The following TDRD3 variants were observed in gnomAD, a reference collection of about 807,000 sequenced individuals.
TDRD3 encodes tudor domain containing 3.
TDRD3 carries 45 observed loss-of-function variants against 86.7 expected under a neutral mutation model. The ratio of observed to expected loss-of-function variants is 0.52; its 90% CI spans 0.41 to 0.67. The LOEUF (loss-of-function observed/expected upper bound fraction) is 0.67, where lower values mean the gene tolerates loss of function less well. Among genes scored for constraint, TDRD3 ranks in the 30% least tolerant of loss-of-function variants. TDRD3 has a pLI of 0.00. For missense variants in TDRD3, 814 were observed against 889.0 expected, an observed-to-expected ratio of 0.92 and a Z score of 1.07; for synonymous variants, 298 against 301.7, an observed-to-expected ratio of 0.99 and a Z score of 0.13.
chr13:60,547,106 C>T (rs1957956469), intron 12 of TDRD3: 1 of 335,050 alleles, frequency 3.0e-6, no homozygotes, highest in Non-Finnish European at 4.2e-6. Context: ...AAATAATTTT[C>T]ATTATAAAAA....
At chr13:60,453,463 C>T (rs1365005878) in intron 3 of TDRD3, among the ~76,000 whole-genome samples, 3 of 150,320 alleles carry the variant, frequency 2.0e-5, no homozygotes, top group Non-Finnish European at 4.5e-5. Context: ...CACCTTTTCC[C>T]TAATTTTCTC....
intron 10 of TDRD3, among the ~76,000 whole-genome samples, chr13:60,514,162 G>A (rs1957119656): frequency 6.6e-6 from 1 of 152,184 alleles, no homozygotes; most frequent in Non-Finnish European, 1.5e-5. Flanking sequence ...CTGGAGCAAA[G>A]GTGTTATGTT....
chr13:60,484,639 C>G (rs780417853), intron 6 of TDRD3: 1 of 437,562 alleles, frequency 2.3e-6, no homozygotes, highest in Non-Finnish European at 4.5e-6. Flanking sequence ...ATTTTTGCAT[C>G]AAACCTATTT....
chr13:60,468,215 G>T (rs1160935598), intron 5 of TDRD3, among the ~76,000 whole-genome samples: 2 of 152,078 alleles, frequency 1.3e-5, no homozygotes, highest in Non-Finnish European at 1.5e-5. Flanking sequence ...CTTCCACATA[G>T]ATCTTGTTGT....
intron 1 of TDRD3, among the ~76,000 whole-genome samples, chr13:60,424,043 A>G (rs1049651510): frequency 6.6e-6 from 1 of 151,832 alleles, no homozygotes; most frequent in Non-Finnish European, 1.5e-5. Context: ...GTTTTTTGAG[A>G]TGGAGTCTTA....
At chr13:60,434,955 T>TA (rs1478568341) in intron 1 of TDRD3, among the ~76,000 whole-genome samples, 1 of 152,232 alleles carries the variant, frequency 6.6e-6, no homozygotes, top group Non-Finnish European at 1.5e-5. Context: ...GTTCTTCAGT[T>TA]ACTGTGTTAC....
Position 60,457,489 on chromosome 13 carries a change from G to A in TDRD3, c.193-2891G>A, listed in dbSNP as rs565329317. 5.0e-4 allele frequency among the ~76,000 whole-genome samples: 76 copies of A among 152,312 alleles called. 1 individual carries two copies. The highest frequency in any genetic ancestry group is 1.8e-3 in the African/African-American group (74 of 41,566). On this transcript the variant is annotated intron_variant, in intron 3 of 13. Transcript: ENST00000377881. ...AATCCGGTGAGGAGGCTGAATAAGT[G>A]CCCCCTCCCTCATGTTCCCTAGCTA...
chr13:60,566,164 T>C (rs2137988015), intron 12 of TDRD3, among the ~76,000 whole-genome samples: 1 of 152,180 alleles, frequency 6.6e-6, no homozygotes, highest in East Asian at 1.9e-4. Flanking sequence ...AGTGTTAGAA[T>C]GCAAAACCGA....
At chr13:60,568,971 TTTC>T (rs149114838) in intron 13 of TDRD3, among the ~76,000 whole-genome samples, 5,420 of 152,124 alleles carry the variant, frequency 0.036, 354 homozygotes, top group African/African-American at 0.12. Context: ...TTTCCCCCCT[TTTC>T]TTCTTCTTTT....
rs761528450 is a variant in TDRD3, at chr13:60,528,433, G to C, written c.1208G>C (p.Gly403Ala). 6.2e-7 allele frequency: 1 copy of C among 1,609,552 alleles called. No homozygotes were observed. The highest frequency in any genetic ancestry group is 1.7e-5 in the Admixed American group (1 of 59,538). Residue 403 changes from glycine (G) to alanine (A), a missense_variant, in exon 11 of 14, where the codon GGA becomes GCA. By Grantham distance (60) the Gly-to-Ala change is moderately conservative. Transcript: ENST00000377881. ...AGATCATCAAATACTGAGCAAAATG[G>C]AGTAAAAGATAATAATCATCTGAGA... ...QYRSSNTEQN[G>A]VKDNNHLRHP...
intron 4 of TDRD3, among the ~76,000 whole-genome samples, chr13:60,462,187 C>T (rs554767714): frequency 1.3e-5 from 2 of 152,246 alleles, no homozygotes; most frequent in East Asian, 3.9e-4. Flanking sequence ...ATTCCTATGA[C>T]GAATTCAGTC....
chr13:60,505,148 G>A (rs1028383940), intron 8 of TDRD3, among the ~76,000 whole-genome samples: 3 of 152,140 alleles, frequency 2.0e-5, no homozygotes, highest in Non-Finnish European at 2.9e-5. Context: ...CTAGCTCAGC[G>A]GATCCCACCC....
chr13:60,554,915 GA>G (rs1320235793), intron 12 of TDRD3, among the ~76,000 whole-genome samples: 1 of 152,008 alleles, frequency 6.6e-6, no homozygotes, highest in African/African-American at 2.4e-5. Flanking sequence ...TACGGTTTAT[GA>G]ATTTCAATAA....
At chr13:60,470,829 G>T (rs911208970) in intron 5 of TDRD3, among the ~76,000 whole-genome samples, 1 of 151,786 alleles carries the variant, frequency 6.6e-6, no homozygotes, top group Non-Finnish European at 1.5e-5. Flanking sequence ...GTGATCTGCC[G>T]GTCTCAGCCT....
Position 60,573,546 on chromosome 13 carries a change from TA to T in TDRD3, c.*10-69del, listed in dbSNP as rs1473565546. ...TTACAGATAAGTTTCAGCAGAAATG[TA>T]TCTTGACAAAGTATGGAAAAGTTAA... On this transcript the variant is annotated intron_variant, in intron 13 of 13. Coordinates refer to ENST00000377881, the MANE Select transcript of TDRD3 (RefSeq NM_001146070.2). 5 of 909,184 alleles carry T rather than the reference TA, an allele frequency of 5.5e-6. No individual in the cohort carries two copies. In the African/African-American group the frequency reaches 7.2e-5, roughly 13 times the overall value. 56.3% of individuals were successfully genotyped at this position (909,184 alleles called of 1,614,324 possible). A position where few individuals can be genotyped will look rare whatever the true frequency, so the allele number is the denominator to read the frequency against.
At chr13:60,431,944 A>G (rs1370957027) in intron 1 of TDRD3, among the ~76,000 whole-genome samples, 1 of 151,984 alleles carries the variant, frequency 6.6e-6, no homozygotes, top group African/African-American at 2.4e-5. Flanking sequence ...CCACAGAGAA[A>G]ATTAAATTTT....
intron 3 of TDRD3, among the ~76,000 whole-genome samples, chr13:60,453,796 A>T (rs1269895446): frequency 6.6e-6 from 1 of 152,222 alleles, no homozygotes; most frequent in Non-Finnish European, 1.5e-5. Flanking sequence ...CCATTTCAGT[A>T]GAATAAATTA....
chr13:60,498,577 C>T (rs1324792981), intron 8 of TDRD3, among the ~76,000 whole-genome samples: 4 of 152,112 alleles, frequency 2.6e-5, no homozygotes, highest in South Asian at 2.1e-4. Flanking sequence ...GGACAAAAGA[C>T]TAATTTGAAT....
intron 1 of TDRD3, among the ~76,000 whole-genome samples, chr13:60,429,756 A>G (rs999101721): frequency 6.6e-6 from 1 of 152,178 alleles, no homozygotes; most frequent in African/African-American, 2.4e-5. Context: ...AAGCATATAC[A>G]CTTTTGACTA....
Sources: gnomAD v4.1 joint callset for allele counts (sites outside exome capture counted in the v4.1 genomes callset) on GRCh38, gnomAD v4.1.1 for gene constraint, MANE v1.5 for transcripts, NCBI Gene and HGNC (gene_info 2026-07-23, HGNC 2026-07-21) for gene names.